Variants in ASIC2 observed in about 807,000 individuals in gnomAD.
The protein encoded by ASIC2 is acid sensing ion channel subunit 2.
In ASIC2, 25 loss-of-function variants were observed where a neutral mutation model predicts 57.3. That is an observed-to-expected ratio of 0.44 (90% CI 0.32 to 0.61). The LOEUF is 0.61. ASIC2 is among the 20% of genes least tolerant of loss of function. The pLI is 0.06. For missense variants in ASIC2, 641 were observed against 738.1 expected (o/e 0.87, Z 1.52); for synonymous variants, 319 against 307.5 (o/e 1.04, Z -0.39).
intron 1 of ASIC2, among the ~76,000 whole-genome samples, chr17:33,416,699 AT>A (rs1363114762): frequency 6.6e-6 from 1 of 152,118 alleles, no homozygotes; most frequent in Admixed American, 6.5e-5. Context: ...TGCTGAGTTT[AT>A]TTTGCCATTT....
chr17:33,815,374 C>G (rs918265626), intron 1 of ASIC2, among the ~76,000 whole-genome samples: 1 of 152,182 alleles, frequency 6.6e-6, no homozygotes, highest in African/African-American at 2.4e-5. Context: ...TCATGTTGTC[C>G]CCTGAGTTCC....
intron 3 of ASIC2, among the ~76,000 whole-genome samples, chr17:33,029,392 C>T (rs1390601638): frequency 6.6e-6 from 1 of 152,202 alleles, no homozygotes; most frequent in Non-Finnish European, 1.5e-5. Flanking sequence ...TGCTCTTTTG[C>T]ATCTAGCTTC....
chr17:33,839,258 C>T (rs181338528), intron 1 of ASIC2, among the ~76,000 whole-genome samples: 1 of 152,316 alleles, frequency 6.6e-6, no homozygotes, highest in African/African-American at 2.4e-5. Flanking sequence ...AATAGAGTTA[C>T]TGACAGAAGC....
At chr17:33,721,881 G>A (rs1161833453) in intron 1 of ASIC2, among the ~76,000 whole-genome samples, 2 of 152,222 alleles carry the variant, frequency 1.3e-5, no homozygotes, top group African/African-American at 4.8e-5. Context: ...AAGAAGGCCA[G>A]TGTGGCTGGG....
At chr17:33,639,289 A>G (rs889841459) in intron 1 of ASIC2, among the ~76,000 whole-genome samples, 3 of 152,118 alleles carry the variant, frequency 2.0e-5, no homozygotes, top group African/African-American at 7.2e-5. Context: ...GAGAAATGTG[A>G]CCAGACAAAG....
chr17:33,022,833 C>A (rs2091842496), intron 6 of ASIC2, among the ~76,000 whole-genome samples: 1 of 152,204 alleles, frequency 6.6e-6, no homozygotes, highest in Non-Finnish European at 1.5e-5. Context: ...TAATTACACA[C>A]TGTGGTGTTA....
intron 3 of ASIC2, chr17:33,052,094 T>C (rs2091979018): frequency 6.6e-6 from 1 of 152,110 alleles, no homozygotes; most frequent in Admixed American, 6.5e-5. Context: ...AAAAAATAGG[T>C]CTGAAAGAGG....
chr17:33,490,619 G>A (rs188188494), intron 1 of ASIC2, among the ~76,000 whole-genome samples: 20 of 152,266 alleles, frequency 1.3e-4, no homozygotes, highest in East Asian at 3.9e-4. Context: ...CTTGCCTGGC[G>A]CCATCTAAGA....
At position 33,472,759 on chromosome 17, in the gene ASIC2, G is replaced by A. The variant is rs985342317; in HGVS notation, c.556-360692C>T. Among the ~76,000 whole-genome samples the A allele has an allele frequency of 3.9e-5, 6 of 152,176 alleles. No homozygotes were observed. In the South Asian group the frequency reaches 8.3e-4, roughly 21 times the overall value. ...ACAAGAAAACATGGGGCACACAGGG[G>A]CCAGGAAGGAGGTGAGATGTTGAAG... On this transcript the variant is annotated intron_variant, in intron 1 of 9. Coordinates refer to the ASIC2 transcript ENST00000359872.
At chr17:33,731,061 G>A (rs1909724616) in intron 1 of ASIC2, among the ~76,000 whole-genome samples, 1 of 152,154 alleles carries the variant, frequency 6.6e-6, no homozygotes, top group Non-Finnish European at 1.5e-5. Context: ...CCATGGAAGT[G>A]GGCTGAGGGA....
intron 1 of ASIC2, among the ~76,000 whole-genome samples, chr17:33,890,232 A>G (rs977057959): frequency 6.6e-6 from 1 of 152,264 alleles, no homozygotes; most frequent in East Asian, 1.9e-4. Flanking sequence ...AGACAATTCT[A>G]TTGGACAGCT....
At chr17:33,692,667 T>G (rs1908408786) in intron 1 of ASIC2, among the ~76,000 whole-genome samples, 1 of 152,196 alleles carries the variant, frequency 6.6e-6, no homozygotes, top group African/African-American at 2.4e-5. Context: ...GGTGAGCCAC[T>G]GAGTGAGTGG....
chr17:33,252,148 G>C (rs1908906471), intron 1 of ASIC2, among the ~76,000 whole-genome samples: 1 of 152,108 alleles, frequency 6.6e-6, no homozygotes, highest in African/African-American at 2.4e-5. Context: ...ATACCATAAG[G>C]CTATCTTGCT....
At chr17:33,851,415 C>T (rs1913760928) in intron 1 of ASIC2, among the ~76,000 whole-genome samples, 1 of 152,112 alleles carries the variant, frequency 6.6e-6, no homozygotes, top group Non-Finnish European at 1.5e-5. Context: ...GCAGAAATGG[C>T]AGGGGATGTG....
rs74547741 is a variant in ASIC2 at position 33,848,655 on chromosome 17, T to G, written c.555+307323A>C. Among the ~76,000 whole-genome samples the G allele has an allele frequency of 8.1e-3, 1,239 of 152,276 alleles. 22 individuals are homozygous for G. The highest frequency in any genetic ancestry group is 0.028 in the African/African-American group (1,178 of 41,554). ...CAACGTCAGCACTTCAGGTGCACAG[T>G]AATTCCTAATTCCCTGCTCCCCAAG... On this transcript the variant is annotated intron_variant, in intron 1 of 9. Transcript: ENST00000359872.
chr17:33,673,435 G>A (rs1027142249), intron 1 of ASIC2, among the ~76,000 whole-genome samples: 1 of 152,176 alleles, frequency 6.6e-6, no homozygotes, highest in Non-Finnish European at 1.5e-5. Flanking sequence ...GAGCAGTGAT[G>A]TCTGCATCAA....
At chr17:33,037,303 G>A (rs959720555) in intron 3 of ASIC2, among the ~76,000 whole-genome samples, 12 of 151,940 alleles carry the variant, frequency 7.9e-5, no homozygotes, top group African/African-American at 2.9e-4. Flanking sequence ...TACTAAAATG[G>A]GTTCTTACAA....
At chr17:33,026,825 T>G (rs562576174) in intron 4 of ASIC2, among the ~76,000 whole-genome samples, 12 of 152,216 alleles carry the variant, frequency 7.9e-5, no homozygotes, top group African/African-American at 2.9e-4. Context: ...CATGTTTTTT[T>G]CCTTATCATT....
At position 34,032,559 on chromosome 17, in the gene ASIC2, C is replaced by T. The variant is rs1907664062; in HGVS notation, c.555+123419G>A. On this transcript the variant is annotated intron_variant, in intron 1 of 9. Transcript: ENST00000359872. ...GGCTAAATTCTCCAATTAAAAGACA[C>T]AGACTGGCAAATTGGATAAAGAGTC... Among the ~76,000 whole-genome samples, 5 of 152,306 alleles carry T rather than the reference C, an allele frequency of 3.3e-5. No homozygotes were observed. In the South Asian group the frequency reaches 1.0e-3, roughly 32 times the overall value.
Sources: allele counts gnomAD v4.1 joint callset (sites outside exome capture counted in the v4.1 genomes callset), GRCh38; gene constraint gnomAD v4.1.1; transcripts MANE v1.5; gene names NCBI Gene and HGNC (gene_info 2026-07-23, HGNC 2026-07-21).